The following DNAAF5 variants were observed in gnomAD, a reference collection of about 807,000 sequenced individuals.
The protein encoded by DNAAF5 is HEAT repeat containing 2.
Under a neutral mutation model 75.8 loss-of-function variants are expected in DNAAF5, and 64 were observed. The ratio of observed to expected loss-of-function variants is 0.84; its 90% CI spans 0.69 to 1.04. The LOEUF is 1.04. Among genes scored for constraint, DNAAF5 ranks in the 50% least tolerant of loss-of-function variants. The pLI is 0.00. For synonymous variants in DNAAF5, 657 were observed against 557.2 expected, an observed-to-expected ratio of 1.18 and a Z score of -2.52; for missense variants, 1,269 against 1,178.5, an observed-to-expected ratio of 1.08 and a Z score of -1.12.
At chr7:761,652 A>G (rs1782647377) in intron 6 of DNAAF5, 101 bp from the exon 7 acceptor site, 2 of 1,276,666 alleles carry the variant, frequency 1.6e-6, no homozygotes, top group African/African-American at 3.0e-5. Flanking sequence ...GGTCCCTCCC[A>G]GGATACGTGG....
chr7:738,246 C>T (rs1436671104), intron 2 of DNAAF5, among the ~76,000 whole-genome samples: 1 of 152,114 alleles, frequency 6.6e-6, no homozygotes, highest in East Asian at 1.9e-4. Context: ...TTTTCTACGC[C>T]AGAATTTCTG....
intron 2 of DNAAF5, among the ~76,000 whole-genome samples, chr7:734,875 T>A (rs775240136): frequency 1.1e-4 from 17 of 152,346 alleles, no homozygotes; most frequent in Middle Eastern, 3.4e-3. Context: ...CACAGTATAG[T>A]TGCTCACAGT....
intron 4 of DNAAF5, chr7:750,830 T>C (rs1258957793): frequency 1.2e-5 from 2 of 167,050 alleles, no homozygotes; most frequent in Non-Finnish European, 2.9e-5. Flanking sequence ...TCCCCGGCTG[T>C]TCCTGGTCAC....
At chr7:769,557 TAAA>T (rs1259149912) in intron 8 of DNAAF5, among the ~76,000 whole-genome samples, 9 of 152,340 alleles carry the variant, frequency 5.9e-5, no homozygotes, top group African/African-American at 2.2e-4. Flanking sequence ...AAGCAGATAT[TAAA>T]GAAGTTCTTT....
At chr7:747,130 A>G (rs1782141609) in intron 4 of DNAAF5, among the ~76,000 whole-genome samples, 1 of 152,220 alleles carries the variant, frequency 6.6e-6, no homozygotes, top group Middle Eastern at 3.2e-3. Context: ...TTTATTGGAT[A>G]AACACTCAGG....
At chr7:756,635 T>C in intron 5 of DNAAF5, 147 bp from the exon 6 acceptor site, 1 of 707,106 alleles carries the variant, frequency 1.4e-6, no homozygotes, top group South Asian at 1.7e-5. Flanking sequence ...TCCTGAGGGC[T>C]CTGAGCATGT....
At chr7:729,082 C>T (rs917848248) in intron 1 of DNAAF5, among the ~76,000 whole-genome samples, 3 of 151,320 alleles carry the variant, frequency 2.0e-5, no homozygotes, top group Admixed American at 6.6e-5. Flanking sequence ...CTGCAACCTC[C>T]GCCTCCTGAG....
intron 4 of DNAAF5, among the ~76,000 whole-genome samples, chr7:752,092 A>C (rs986199532): frequency 2.6e-5 from 4 of 152,202 alleles, no homozygotes; most frequent in Admixed American, 2.0e-4. Context: ...GATGAGCAGA[A>C]CGAGAGCGTC....
At chr7:746,277 C>T (rs531748431) in intron 4 of DNAAF5, among the ~76,000 whole-genome samples, 1 of 130,158 alleles carries the variant, frequency 7.7e-6, no homozygotes, top group East Asian at 2.7e-4. Context: ...TCTTGCCCCC[C>T]CCTGCCCGCT....
At chr7:758,450 G>C (rs1417818316) in intron 6 of DNAAF5, among the ~76,000 whole-genome samples, 7 of 152,230 alleles carry the variant, frequency 4.6e-5, no homozygotes, top group Admixed American at 6.5e-5. Context: ...ACGTCTTTCT[G>C]ACAAAGTCCA....
At chr7:730,066 A>G (rs1468685171) in intron 2 of DNAAF5, among the ~76,000 whole-genome samples, 1 of 152,234 alleles carries the variant, frequency 6.6e-6, no homozygotes, top group Non-Finnish European at 1.5e-5. Context: ...CAAGGATGTT[A>G]GAAAGGATGA....
At chr7:738,493 G>GC (rs1562376720) in intron 2 of DNAAF5, among the ~76,000 whole-genome samples, 1 of 151,982 alleles carries the variant, frequency 6.6e-6, no homozygotes, top group Non-Finnish European at 1.5e-5. Context: ...GGTCGATCTT[G>GC]CTAGGTATTT....
chr7:745,153 C>T (rs1487928045), intron 4 of DNAAF5, among the ~76,000 whole-genome samples: 1 of 152,180 alleles, frequency 6.6e-6, no homozygotes, highest in Non-Finnish European at 1.5e-5. Flanking sequence ...AAATGCTGCT[C>T]CTTAGAGAGG....
intron 10 of DNAAF5, among the ~76,000 whole-genome samples, chr7:774,433 C>CCGGT (rs1489305904): frequency 1.8e-4 from 28 of 152,176 alleles, no homozygotes; most frequent in African/African-American, 6.0e-4. Context: ...CCCAGCCAGC[C>CCGGT]CGGTCGTGCT....
rs543640136 is a variant in DNAAF5 at position 783,797 on chromosome 7, C to A, written c.2432-1720C>A. Among the ~76,000 whole-genome samples, 4 of 152,226 alleles carry A rather than the reference C, an allele frequency of 2.6e-5. No individual in the cohort carries two copies. In the East Asian group the frequency reaches 7.7e-4, roughly 29 times the overall value. The stretch of plus-strand genomic sequence containing the variant: ...CCTGTCCTGCACTACACACCATCAA[C>A]CCGAGTTCTGAGCTTCTCCTACTCT... On this transcript the variant is annotated intron_variant, in intron 12 of 12. Coordinates refer to ENST00000297440, the MANE Select transcript of DNAAF5 (RefSeq NM_017802.4).
chr7:776,701 A>T (rs536569478), intron 11 of DNAAF5, among the ~76,000 whole-genome samples: 4 of 152,266 alleles, frequency 2.6e-5, no homozygotes, highest in African/African-American at 9.6e-5. Context: ...CCCGAAAAGC[A>T]GCAGCACTGA....
chr7:731,030 C>G (rs1034427974), intron 2 of DNAAF5, among the ~76,000 whole-genome samples: 3 of 152,170 alleles, frequency 2.0e-5, no homozygotes, highest in Admixed American at 6.5e-5. Flanking sequence ...ATTTGGGCTG[C>G]GGAGGGCAGT....
Position 780,055 on chromosome 7 carries a change from C to T in DNAAF5, c.2342C>T (p.Ser781Phe). ...LQCVKGANAK[S>F]YYQSSVQYLY... Reference sequence around the variant, plus strand: ...TGTGTCAAGGGTGCCAACGCAAAATCCTACTATCAGAGCAGTGTCCAGTAC... The same window carrying T: ...TGTGTCAAGGGTGCCAACGCAAAATTCTACTATCAGAGCAGTGTCCAGTAC... Residue 781 changes from serine to phenylalanine, a missense_variant, in exon 12 of 13, where the codon TCC becomes TTC. Ser to Phe is a radical substitution (Grantham distance 155). Transcript: ENST00000297440. 1 of 1,614,240 alleles carries T rather than the reference C, an allele frequency of 6.2e-7. No homozygotes were observed. Among genetic ancestry groups the T allele is most frequent in the Non-Finnish European group, 8.5e-7 (1 of 1,180,020 alleles).
At chr7:762,490 C>CAA (rs533430102) in intron 7 of DNAAF5, among the ~76,000 whole-genome samples, 14 of 131,260 alleles carry the variant, frequency 1.1e-4, no homozygotes, top group South Asian at 2.5e-4. Flanking sequence ...AGACTCCGTC[C>CAA]AAAAAAAAAA....
Sources: allele counts gnomAD v4.1 joint callset (sites outside exome capture counted in the v4.1 genomes callset), GRCh38; gene constraint gnomAD v4.1.1; transcripts MANE v1.5; gene names NCBI Gene and HGNC (gene_info 2026-07-23, HGNC 2026-07-21).